Variants in WASF3 observed in about 807,000 individuals in gnomAD.
WASF3 encodes the protein actin-binding protein WASF3.
WASF3 carries 11 observed loss-of-function variants against 46.6 expected under a neutral mutation model. That is an observed-to-expected ratio of 0.24 (90% CI 0.15 to 0.39). The LOEUF is 0.39. Ranked by LOEUF, WASF3 falls within the 10% of genes least tolerant of loss-of-function variation. The probability of loss-of-function intolerance (pLI) is 1.00; values close to 1 mark genes in which losing one functional copy is unlikely to be tolerated. For missense variants in WASF3, 576 were observed against 669.8 expected (o/e 0.86, Z 1.55); for synonymous variants, 242 against 259.7 (o/e 0.93, Z 0.65).
At position 26,599,184 on chromosome 13, in the gene WASF3, C is replaced by CT. The variant is rs57148941; in HGVS notation, c.-108-13760dup. ...GCCTGCCCTGCTCTTCTTTTCATTT[C>CT]TTTTTTTTTTTTTTTTTGAGACGGA... On this transcript the variant is annotated intron_variant, in intron 1 of 9. Coordinates refer to ENST00000335327, the MANE Select transcript of WASF3 (RefSeq NM_006646.6). 4.0e-3 allele frequency among the ~76,000 whole-genome samples: 474 copies of CT among 118,276 alleles called. 18 individuals carry two copies. The highest frequency in any genetic ancestry group is 0.013 in the African/African-American group (403 of 31,000). The allele number at this position is 118,276 out of a possible 152,430, so 77.6% of individuals were successfully genotyped here. A position where few individuals can be genotyped will look rare whatever the true frequency, so the allele number is the denominator to read the frequency against.
intron 7 of WASF3, chr13:26,680,040 G>GAA (rs760145107): frequency 7.5e-6 from 12 of 1,596,442 alleles, no homozygotes; most frequent in Middle Eastern, 1.7e-4. Flanking sequence ...TTCAGAGAGA[G>GAA]AAACACAAGC....
chr13:26,559,849 C>T (rs566329454), intron 1 of WASF3, among the ~76,000 whole-genome samples: 5 of 79,734 alleles, frequency 6.3e-5, no homozygotes, highest in Non-Finnish European at 9.4e-5. Flanking sequence ...CGGAGTCTTG[C>T]TCTTGTCTCC....
intron 5 of WASF3, among the ~76,000 whole-genome samples, chr13:26,667,914 G>C (rs868446113): frequency 6.6e-6 from 1 of 152,136 alleles, no homozygotes; most frequent in African/African-American, 2.4e-5. Flanking sequence ...TGTGAGTTCT[G>C]ATTTTAACTT....
intron 1 of WASF3, among the ~76,000 whole-genome samples, chr13:26,568,630 A>G (rs1327459726): frequency 6.6e-6 from 1 of 152,196 alleles, no homozygotes; most frequent in Non-Finnish European, 1.5e-5. Flanking sequence ...TTTAGGTCAC[A>G]TGCCAGTGCC....
At chr13:26,557,939 G>A (rs554868107) in intron 1 of WASF3, 120 bp downstream of exon 1, 1 of 254,408 alleles carries the variant, frequency 3.9e-6, no homozygotes, top group Non-Finnish European at 7.5e-6. Flanking sequence ...TTGCTGCATC[G>A]CCGCGCGCTC....
At chr13:26,653,836 C>T (rs1882389423) in intron 3 of WASF3, among the ~76,000 whole-genome samples, 1 of 152,210 alleles carries the variant, frequency 6.6e-6, no homozygotes, top group African/African-American at 2.4e-5. Context: ...ACTGTCCACT[C>T]GGTGTCTTCA....
At chr13:26,676,008 A>G (rs1176857494) in intron 6 of WASF3, among the ~76,000 whole-genome samples, 1 of 152,210 alleles carries the variant, frequency 6.6e-6, no homozygotes, top group Non-Finnish European at 1.5e-5. Flanking sequence ...GGCTAGAGGA[A>G]GAATGGTGCT....
chr13:26,672,388 T>A (rs1352754246), intron 6 of WASF3, among the ~76,000 whole-genome samples: 1 of 152,214 alleles, frequency 6.6e-6, no homozygotes, highest in Non-Finnish European at 1.5e-5. Flanking sequence ...AATTAAAATC[T>A]TGGGAAGATG....
chr13:26,654,256 A>G (rs1187781319), intron 3 of WASF3, among the ~76,000 whole-genome samples: 1 of 152,052 alleles, frequency 6.6e-6, no homozygotes, highest in East Asian at 1.9e-4. Context: ...TGTTGCTGAC[A>G]TACACCAAGC....
intron 2 of WASF3, among the ~76,000 whole-genome samples, chr13:26,629,801 A>G (rs1881596009): frequency 6.6e-6 from 1 of 152,258 alleles, no homozygotes. Flanking sequence ...CTTGACTGAC[A>G]GAACTTAGCT....
At chr13:26,661,734 G>T (rs1023387556) in intron 3 of WASF3, among the ~76,000 whole-genome samples, 1 of 152,034 alleles carries the variant, frequency 6.6e-6, no homozygotes, top group East Asian at 1.9e-4. Flanking sequence ...CAGCGCACAG[G>T]GTTCCAATTT....
intron 7 of WASF3, among the ~76,000 whole-genome samples, chr13:26,680,708 C>T (rs1416272703): frequency 2.6e-5 from 4 of 152,054 alleles, no homozygotes; most frequent in Non-Finnish European, 5.9e-5. Flanking sequence ...GTCTTATATC[C>T]TGTTTCTAAA....
At chr13:26,577,861 C>T (rs1195296276) in intron 1 of WASF3, among the ~76,000 whole-genome samples, 1 of 152,206 alleles carries the variant, frequency 6.6e-6, no homozygotes, top group Admixed American at 6.5e-5. Context: ...ATCACTACCA[C>T]ATCAAGTTAC....
At position 26,679,062 on chromosome 13, in the gene WASF3, G is replaced by A. The variant is rs184142742; in HGVS notation, c.717-1992G>A. ...CGGCCCTCCTCCTCCCATCGTCCCC[G>A]GCCCTCCCAGTCCTCTTCCTCCCGT... On this transcript the variant is annotated intron_variant, in intron 7 of 9. Transcript: ENST00000335327. This position sits in a 1 kb window ranked among gnomAD's most constrained non-coding sequence, Gnocchi z 4.8. Among the ~76,000 whole-genome samples the A allele has an allele frequency of 1.5e-4, 22 of 147,486 alleles. 1 individual carries two copies. Among genetic ancestry groups the A allele is most frequent in the African/African-American group, 5.3e-4 (21 of 39,680 alleles).
intron 6 of WASF3, among the ~76,000 whole-genome samples, chr13:26,672,888 G>T (rs1882962387): frequency 6.6e-6 from 1 of 152,210 alleles, no homozygotes; most frequent in African/African-American, 2.4e-5. Context: ...ACAGTTTGCA[G>T]ACTGTGCTGT....
chr13:26,623,594 T>G (rs925849247), intron 2 of WASF3, among the ~76,000 whole-genome samples: 9 of 152,186 alleles, frequency 5.9e-5, no homozygotes, highest in Admixed American at 5.2e-4. Context: ...ACAGGAACTC[T>G]TTCATGCCCA....
chr13:26,671,839 T>C (rs1237797730), intron 5 of WASF3, 33 bp from the exon 6 acceptor site: 1 of 1,458,556 alleles, frequency 6.9e-7, no homozygotes. Flanking sequence ...TAACAATCTT[T>C]TCTTCCCTGA....
intron 1 of WASF3, among the ~76,000 whole-genome samples, chr13:26,596,426 C>T (rs1377017651): frequency 6.6e-6 from 1 of 151,822 alleles, no homozygotes; most frequent in African/African-American, 2.4e-5. Flanking sequence ...TTCCCCACAC[C>T]TCAGCATTCT....
At chr13:26,594,005 A>G (rs138524828) in intron 1 of WASF3, among the ~76,000 whole-genome samples, 2,995 of 152,302 alleles carry the variant, frequency 0.02, 64 homozygotes, top group South Asian at 0.089. Flanking sequence ...TCATTCCTTT[A>G]TTCATATATT....
Sources: gnomAD v4.1 joint callset for allele counts (sites outside exome capture counted in the v4.1 genomes callset) on GRCh38, gnomAD v4.1.1 for gene constraint, Gnocchi (gnomAD v3.1) non-coding constraint, MANE v1.5 for transcripts, NCBI Gene and HGNC (gene_info 2026-07-23, HGNC 2026-07-21) for gene names.